ITLN1: variants seen among roughly 807,000 people sequenced by gnomAD.
The protein encoded by ITLN1 is intelectin 1, also known as intelectin-1.
A neutral mutation model predicts 36.2 loss-of-function variants in ITLN1; 29 were observed. That is an observed-to-expected ratio of 0.80 (90% CI 0.60 to 1.09). The LOEUF (loss-of-function observed/expected upper bound fraction) is 1.09, where lower values mean the gene tolerates loss of function less well. ITLN1 is among the 50% of genes least tolerant of loss of function. The pLI is 0.00. For synonymous variants in ITLN1, 143 were observed against 146.5 expected, an observed-to-expected ratio of 0.98 and a Z score of 0.17; for missense variants, 358 against 405.2, an observed-to-expected ratio of 0.88 and a Z score of 1.00.
Position 160,883,423 on chromosome 1 carries a change from C to T in ITLN1, c.157+5G>A. The T allele has an allele frequency of 1.9e-6, 3 of 1,601,806 alleles. No homozygotes were observed. The highest frequency in any genetic ancestry group is 1.7e-5 in the Admixed American group (1 of 59,992). On this transcript the variant is annotated splice_donor_5th_base_variant and intron_variant, in intron 3 of 7. Transcript: ENST00000326245. ...TGAGCTCTGTTTGAATGTTTCATCA[C>T]TCACCAAATGCACTAGGACATTCGT...
intron 7 of ITLN1, among the ~76,000 whole-genome samples, chr1:160,878,971 A>C (rs1459219431): frequency 2.6e-5 from 4 of 152,106 alleles, no homozygotes; most frequent in African/African-American, 4.8e-5. Context: ...TTCTCAAGGA[A>C]TCTCAGCTCT....
chr1:160,880,631 G>A lies in ITLN1; in HGVS notation c.642C>T (p.Gly214=), dbSNP rs201111955. ...GPVIPVVYDF[G]DAQKTASYYS... ...AATAAGATGCTGTTTTCTGGGCGTC[G>A]CCAAAATCATAGACCACAGGGATCA... The change falls in exon 6 of 8, where the codon GGC becomes GGT. Residue 214 remains glycine, a synonymous_variant. Coordinates refer to ENST00000326245, the MANE Select transcript of ITLN1 (RefSeq NM_017625.3). 2.0e-5 allele frequency: 33 copies of A among 1,613,876 alleles called. No individual in the cohort carries two copies. Among genetic ancestry groups the A allele is most frequent in the South Asian group, 1.2e-4 (11 of 91,086 alleles).
chr1:160,881,009 TAAGAGAAGCAACAG>T, intron 5 of ITLN1, 131 bp downstream of exon 5: 1 of 1,006,126 alleles, frequency 9.9e-7, no homozygotes, highest in Admixed American at 2.9e-5. Context: ...TTAGAATTCC[TAAGAGAAGCAACAG>T]AAGCCATCAG....
chr1:160,881,206 G>A lies in ITLN1; in HGVS notation c.512C>T (p.Thr171Met), dbSNP rs370631307. ...CAGTGTCTGGAGGAAGCCAGTGTCC[G>A]TGCGGTACCTCAGCAGGGAGCTGTT... ...WRNSSLLRYR[T>M]DTGFLQTLGH... Residue 171 changes from threonine to methionine, a missense_variant, in exon 5 of 8, where the codon ACG becomes ATG. Physicochemically the swap from Thr to Met is moderately conservative, Grantham distance 81. Coordinates refer to ENST00000326245, the MANE Select transcript of ITLN1 (RefSeq NM_017625.3). 362 of 1,613,530 alleles carry A rather than the reference G, an allele frequency of 2.2e-4. 2 individuals carry two copies. The highest frequency in any genetic ancestry group is 2.7e-4 in the Non-Finnish European group (315 of 1,179,730).
intron 7 of ITLN1, among the ~76,000 whole-genome samples, chr1:160,877,693 T>C (rs950672403): frequency 1.3e-5 from 2 of 152,252 alleles, no homozygotes; most frequent in South Asian, 2.1e-4. Context: ...ACTGGTGACA[T>C]GGTTTGGACC....
intron 4 of ITLN1, 183 bp from the exon 5 acceptor site, chr1:160,881,495 T>C: frequency 3.2e-6 from 2 of 619,598 alleles, no homozygotes; most frequent in East Asian, 6.2e-5. Flanking sequence ...AACAGCCTTG[T>C]TAGGAGGAAG....
Position 160,880,520 on chromosome 1 carries a change from C to T in ITLN1, c.685+68G>A, listed in dbSNP as rs564745136. ...AACCAAGCTTCAGTCCGATGCATAA[C>T]TGTTACCTAGCATAGTTGAATGTAT... On this transcript the variant is annotated intron_variant, in intron 6 of 7. Coordinates refer to ENST00000326245, the MANE Select transcript of ITLN1 (RefSeq NM_017625.3). 29 of 1,537,698 alleles carry T rather than the reference C, an allele frequency of 1.9e-5. No homozygotes were observed. In the African/African-American group the frequency reaches 3.4e-4, roughly 18 times the overall value.
chr1:160,882,387 T>C, intron 3 of ITLN1, 183 bp from the exon 4 acceptor site: 1 of 574,854 alleles, frequency 1.7e-6, no homozygotes, highest in Non-Finnish European at 2.9e-6. Context: ...CTCCTGTAAC[T>C]GAGGCAGAAC....
chr1:160,882,069 T>A lies in ITLN1; in HGVS notation c.293A>T (p.Asp98Val). 6.2e-7 allele frequency: 1 copy of A among 1,614,126 alleles called. No individual in the cohort carries two copies. ...GCTGCCCTGCTGACTGGACCAGCGA[T>A]CGCCCACCGTGCACTTCCCACGCAT... The part of the protein sequence containing the change: ...NDMRGKCTVG[D>V]RWSSQQGSKA... The change falls in exon 4 of 8, where the codon GAT becomes GTT. Residue 98 changes from aspartate (D) to valine (V), a missense_variant. Asp to Val is a radical substitution (Grantham distance 152). Transcript: ENST00000326245.
At chr1:160,881,877 C>T in intron 4 of ITLN1, 80 bp downstream of exon 4, 1 of 1,604,838 alleles carries the variant, frequency 6.2e-7, no homozygotes, top group Non-Finnish European at 8.5e-7. Flanking sequence ...CCCTACCTTC[C>T]AGCCATCCCT....
chr1:160,885,020 G>A (rs533679017), intron 1 of ITLN1, 41 bp downstream of exon 1: 1 of 597,052 alleles, frequency 1.7e-6, no homozygotes, highest in East Asian at 2.7e-5. Flanking sequence ...GAGACCAAAA[G>A]CAGACCTAAG....
Position 160,876,674 on chromosome 1 carries a change from A to C in ITLN1, c.932T>G (p.Phe311Cys), listed in dbSNP as rs746797370. The C allele has an allele frequency of 2.5e-6, 4 of 1,614,106 alleles. No individual in the cohort carries two copies. Among genetic ancestry groups the C allele is most frequent in the African/African-American group, 1.3e-5 (1 of 74,930 alleles). ...CCTCCCACAAAACTCTCAACGATAGAATAGAAGCACAGCTGCCTCAGTTAT... is the reference window on the plus strand; with the variant it reads ...CCTCCCACAAAACTCTCAACGATAGCATAGAAGCACAGCTGCCTCAGTTAT... ...REITEAAVLLFYR is the reference protein window; with the variant it reads ...REITEAAVLLCYR The change falls in exon 8 of 8, where the codon TTC (phenylalanine) becomes TGC (cysteine). Residue 311 changes from phenylalanine (F) to cysteine (C), a missense_variant. By Grantham distance (205) the Phe-to-Cys change is radical. Coordinates refer to ENST00000326245, the MANE Select transcript of ITLN1 (RefSeq NM_017625.3).
rs1375314564 is a variant in ITLN1, at chr1:160,880,683, C to A, written c.590G>T (p.Gly197Val). 6.2e-7 allele frequency: 1 copy of A among 1,614,002 alleles called. No homozygotes were observed. The highest frequency in any genetic ancestry group is 8.5e-7 in the Non-Finnish European group (1 of 1,180,010). ...YQKYPVKYGE[G>V]KCWTDNGPVI... The stretch of plus-strand genomic sequence containing the variant: ...CGGGCCGTTGTCAGTCCAACACTTT[C>A]CTTCTCCATATTTCACTGGATATTT... The change falls in exon 6 of 8, where the codon GGA becomes GTA. Residue 197 changes from glycine to valine, a missense_variant. Transcript: ENST00000326245.
Position 160,880,621 on chromosome 1 carries a change from T to C in ITLN1, c.652A>G (p.Lys218Glu), listed in dbSNP as rs143924653. The part of the protein sequence containing the change: ...PVVYDFGDAQ[K>E]TASYYSPYGQ... ...TAGGGTGAGTAATAAGATGCTGTTT[T>C]CTGGGCGTCGCCAAAATCATAGACC... is the stretch of plus-strand genomic sequence containing the variant. Residue 218 changes from lysine to glutamate, a missense_variant, in exon 6 of 8, where the codon AAA becomes GAA. Lys to Glu is a moderately conservative substitution (Grantham distance 56). Coordinates refer to ENST00000326245, the MANE Select transcript of ITLN1 (RefSeq NM_017625.3). 156 of 1,614,170 alleles carry C rather than the reference T, an allele frequency of 9.7e-5. No homozygotes were observed. Among genetic ancestry groups the C allele is most frequent in the Non-Finnish European group, 1.3e-4 (153 of 1,180,022 alleles).
intron 4 of ITLN1, 69 bp downstream of exon 4, chr1:160,881,888 C>A: frequency 6.2e-7 from 1 of 1,612,468 alleles, no homozygotes; most frequent in Non-Finnish European, 8.5e-7. Flanking sequence ...AGCCATCCCT[C>A]CTGCAGGCTT....
chr1:160,879,662 C>A (rs978230060), intron 6 of ITLN1, among the ~76,000 whole-genome samples: 4 of 152,210 alleles, frequency 2.6e-5, no homozygotes, highest in African/African-American at 9.7e-5. Flanking sequence ...CTGCCAGAGG[C>A]TTGTGAAGAG....
rs1191229614 is a variant in ITLN1, at chr1:160,879,382, C to A, written c.718G>T (p.Val240Leu). ...TTGGCTGCTCTCTCGTTATTAAATA[C>A]CCTGAACTGAACAAATCCCGCAGTG... The part of the protein sequence containing the change: ...EFTAGFVQFR[V>L]FNNERAANAL... The change falls in exon 7 of 8, where the codon GTA becomes TTA. Residue 240 changes from valine to leucine, a missense_variant. Coordinates refer to ENST00000326245, the MANE Select transcript of ITLN1 (RefSeq NM_017625.3). 5 of 1,614,060 alleles carry A rather than the reference C, an allele frequency of 3.1e-6. No homozygotes were observed. Among genetic ancestry groups the A allele is most frequent in the African/African-American group, 2.7e-5 (2 of 74,922 alleles).
chr1:160,879,533 T>C (rs1190176085), intron 6 of ITLN1, 119 bp from the exon 7 acceptor site: 5 of 752,640 alleles, frequency 6.6e-6, no homozygotes, highest in Non-Finnish European at 9.1e-6. Context: ...CCAGCTGTAC[T>C]GGTGGAGCCC....
chr1:160,881,055 TG>T, intron 5 of ITLN1, 98 bp downstream of exon 5: 1 of 1,335,492 alleles, frequency 7.5e-7, no homozygotes, highest in Non-Finnish European at 1.0e-6. Flanking sequence ...TAGAAGAACA[TG>T]GGAGACAGAC....
Sources: gnomAD v4.1 joint callset for allele counts (sites outside exome capture counted in the v4.1 genomes callset) on GRCh38, gnomAD v4.1.1 for gene constraint, MANE v1.5 for transcripts, NCBI Gene and HGNC (gene_info 2026-07-23, HGNC 2026-07-21) for gene names.